The following UACA variants were observed in gnomAD, a reference collection of about 807,000 sequenced individuals.
UACA encodes uveal autoantigen with coiled-coil domains and ankyrin repeats.
A neutral mutation model predicts 160.5 loss-of-function variants in UACA; 112 were observed. The observed-to-expected ratio is 0.70, with a 90% CI of 0.60 to 0.82. The LOEUF (loss-of-function observed/expected upper bound fraction) is 0.82. Among genes scored for constraint, UACA ranks in the 40% least tolerant of loss-of-function variants. UACA has a pLI of 0.00. For synonymous variants in UACA, 557 were observed against 568.4 expected (o/e 0.98, Z 0.29); for missense variants, 1,574 against 1,614.6 (o/e 0.97, Z 0.43).
rs28695177 is a variant in UACA, at chr15:70,748,654, C to A, written c.78+14676G>T. 6.6e-5 allele frequency among the ~76,000 whole-genome samples: 10 copies of A among 152,074 alleles called. No individual in the cohort carries two copies. The East Asian group carries it at 1.9e-3, about 29-fold the overall frequency. On this transcript the variant is annotated intron_variant, in intron 1 of 18. Transcript: ENST00000322954. Reference sequence around the variant, plus strand: ...CCCTTTCCCTGTTCATTCTACCCCTCCCTTTCCCTGTTCATTCCCTAGAGA... The same window carrying A: ...CCCTTTCCCTGTTCATTCTACCCCTACCTTTCCCTGTTCATTCCCTAGAGA...
At chr15:70,687,715 T>G (rs1486546288) in intron 6 of UACA, 35 bp downstream of exon 6, 2 of 1,613,016 alleles carry the variant, frequency 1.2e-6, no homozygotes, top group South Asian at 2.2e-5. Flanking sequence ...TTAGAATGCA[T>G]GAGTTGAAAT....
rs1414726662 is a variant in UACA at position 70,699,656 on chromosome 15, G to A, written c.83C>T (p.Ala28Val). The change falls in exon 2 of 19, where the codon GCA becomes GTA. Residue 28 changes from alanine (A) to valine (V), a missense_variant. By Grantham distance (64) the Ala-to-Val change is moderately conservative (BLOSUM62 0). Transcript: ENST00000322954. ...SSGAAAASAH[A>V]ADWNKYDDRL... ...GTCATCATATTTATTCCAATCTGCT[G>A]CATGCTACAAAAAGGAAAAAAAAAA... is the stretch of plus-strand genomic sequence containing the variant. 1.2e-6 allele frequency: 2 copies of A among 1,607,996 alleles called. No homozygotes were observed. The highest frequency in any genetic ancestry group is 1.7e-6 in the Non-Finnish European group (2 of 1,178,318).
chr15:70,746,599 G>A (rs1304114787), intron 1 of UACA, among the ~76,000 whole-genome samples: 1 of 152,142 alleles, frequency 6.6e-6, no homozygotes, highest in Non-Finnish European at 1.5e-5. Context: ...TCTAGAACTA[G>A]AAATACCATT....
At chr15:70,735,464 G>C (rs1899336915) in intron 1 of UACA, among the ~76,000 whole-genome samples, 1 of 151,650 alleles carries the variant, frequency 6.6e-6, no homozygotes, top group African/African-American at 2.4e-5. Flanking sequence ...TTAAATATAG[G>C]AAACTATTTT....
intron 1 of UACA, among the ~76,000 whole-genome samples, chr15:70,706,116 C>T (rs1321429935): frequency 1.3e-5 from 2 of 152,004 alleles, no homozygotes; most frequent in Non-Finnish European, 2.9e-5. Context: ...AATGCAAGGA[C>T]GTTTCAATAT....
intron 1 of UACA, among the ~76,000 whole-genome samples, chr15:70,750,963 T>C (rs2030016082): frequency 6.6e-6 from 1 of 152,248 alleles, no homozygotes; most frequent in Non-Finnish European, 1.5e-5. Flanking sequence ...GAGATGGTGG[T>C]TATACAACAA....
chr15:70,669,584 C>G (rs1897066995), intron 15 of UACA, 122 bp from the exon 16 acceptor site: 1 of 724,116 alleles, frequency 1.4e-6, no homozygotes, highest in East Asian at 2.9e-5. Context: ...TCAGATTAGG[C>G]AGTAAGATGG....
At chr15:70,687,936 G>T in intron 5 of UACA, 116 bp from the exon 6 acceptor site, 1 of 908,644 alleles carries the variant, frequency 1.1e-6, no homozygotes, top group Non-Finnish European at 1.7e-6. Context: ...CAAGCTTCAC[G>T]TCCTTCACTC....
intron 1 of UACA, among the ~76,000 whole-genome samples, chr15:70,730,076 G>A (rs1413149558): frequency 8.4e-5 from 2 of 23,700 alleles, no homozygotes; most frequent in Non-Finnish European, 1.6e-4. Flanking sequence ...ACTCTAAAAC[G>A]CAGAGCGCCT....
intron 1 of UACA, among the ~76,000 whole-genome samples, chr15:70,702,862 T>C (rs1898414106): frequency 6.6e-6 from 1 of 152,176 alleles, no homozygotes; most frequent in Admixed American, 6.5e-5. Flanking sequence ...ATAGAATACA[T>C]AGTGATGCAT....
In UACA at chr15:70,679,589, A is replaced by G. The variant is rs1178953423; in HGVS notation, c.891+19T>C. 1.3e-6 allele frequency: 2 copies of G among 1,536,296 alleles called. No homozygotes were observed. Among genetic ancestry groups the G allele is most frequent in the East Asian group, 2.4e-5 (1 of 41,714 alleles). On this transcript the variant is annotated intron_variant, in intron 10 of 18. Transcript: ENST00000322954. ...GGAATTGTTTTTAAAGGAAGACACC[A>G]TTATTTTTTTCTTTTTACCTGAATA...
intron 1 of UACA, among the ~76,000 whole-genome samples, chr15:70,740,355 T>C (rs1463594760): frequency 6.6e-6 from 1 of 152,052 alleles, no homozygotes; most frequent in Non-Finnish European, 1.5e-5. Context: ...GGCTCACACC[T>C]GTAATCCCAG....
At chr15:70,700,301 G>GTATATATATATATATATATATATATGTA (rs142277997) in intron 1 of UACA, among the ~76,000 whole-genome samples, 1,698 of 127,528 alleles carry the variant, frequency 0.013, 10 homozygotes, top group Middle Eastern at 0.021. Context: ...GAGGCAAATT[G>GTATATATATATATATATATATATATGTA]TATATATATA....
At chr15:70,763,075 G>T (rs1027423791) in intron 1 of UACA, among the ~76,000 whole-genome samples, 15 of 152,180 alleles carry the variant, frequency 9.9e-5, no homozygotes, top group Admixed American at 4.6e-4. Flanking sequence ...CCCCACTGAG[G>T]TTTCTTCCAG....
intron 1 of UACA, chr15:70,702,420 G>T: frequency 1.7e-6 from 1 of 593,742 alleles, no homozygotes; most frequent in Non-Finnish European, 2.1e-6. Context: ...GAAAGGAGCA[G>T]CTAAGAATAT....
chr15:70,678,324 T>A (rs1321384322), intron 10 of UACA, 118 bp from the exon 11 acceptor site: 1 of 552,708 alleles, frequency 1.8e-6, no homozygotes, highest in African/African-American at 1.9e-5. Context: ...AAACACTAAG[T>A]ACAAAAGATA....
chr15:70,690,419 A>G (rs753945764), intron 5 of UACA, 35 bp downstream of exon 5: 14 of 1,594,334 alleles, frequency 8.8e-6, no homozygotes, highest in Non-Finnish European at 1.2e-5. Context: ...AGACATTTTA[A>G]CAAATATTTG....
intron 13 of UACA, among the ~76,000 whole-genome samples, chr15:70,673,911 G>A (rs1897222812): frequency 6.6e-6 from 1 of 152,320 alleles, no homozygotes; most frequent in South Asian, 2.1e-4. Flanking sequence ...ACTCAAGCTG[G>A]AGTGCAGAGG....
rs1896453202 is a variant in UACA at position 70,655,433 on chromosome 15, G to A, written c.*1623C>T. On this transcript the variant is annotated 3_prime_UTR_variant, in exon 19 of 19. Coordinates refer to ENST00000322954, the MANE Select transcript of UACA (RefSeq NM_018003.4). ...AGTAGAGATGGGGCTTCACCATATTGGTAAGGCTGGTCTCGAACTTCTGAC... is the reference window on the plus strand; with the variant it reads ...AGTAGAGATGGGGCTTCACCATATTAGTAAGGCTGGTCTCGAACTTCTGAC... The A allele has an allele frequency of 6.6e-6, 1 of 152,094 alleles. No individual in the cohort carries two copies. The highest frequency in any genetic ancestry group is 2.1e-4 in the South Asian group (1 of 4,824). The allele number at this position is 152,094 out of a possible 1,614,324, so 9.4% of individuals were successfully genotyped here. A position where few individuals can be genotyped will look rare whatever the true frequency, so the allele number is the denominator to read the frequency against.
Sources: allele counts gnomAD v4.1 joint callset (sites outside exome capture counted in the v4.1 genomes callset), GRCh38; gene constraint gnomAD v4.1.1; transcripts MANE v1.5; gene names NCBI Gene and HGNC (gene_info 2026-07-23, HGNC 2026-07-21).